Variants in DHRSX observed in about 807,000 individuals in gnomAD.
The protein encoded by DHRSX is polyprenol dehydrogenase.
In DHRSX, 31 loss-of-function variants were observed where a neutral mutation model predicts 34.0. That is an observed-to-expected ratio of 0.91 (90% CI 0.69 to 1.23). The LOEUF is 1.23. Ranked by LOEUF, DHRSX falls within the 50% of genes most tolerant of loss-of-function variation. The pLI, the probability that DHRSX is intolerant of heterozygous loss-of-function variation, is 0.00. For missense variants in DHRSX, 414 were observed against 428.1 expected (o/e 0.97, Z 0.29); for synonymous variants, 201 against 183.8 (o/e 1.09, Z -0.76).
intron 3 of DHRSX, among the ~76,000 whole-genome samples, chrX:2,306,463 C>CT (rs537318296): frequency 0.37 from 51,240 of 139,926 alleles, 10,260 homozygotes; most frequent in Middle Eastern, 0.52. Flanking sequence ...GATCAATTAT[C>CT]TTTTTTTTTT....
chrX:2,488,545 G>C, intron 1 of DHRSX: 1 of 1,466,890 alleles, frequency 6.8e-7, no homozygotes, highest in Non-Finnish European at 9.1e-7. Flanking sequence ...GGTCTCTGAG[G>C]TTCAAAACCA....
At chrX:2,355,860 G>A (rs1287712622) in intron 3 of DHRSX, among the ~76,000 whole-genome samples, 1 of 151,940 alleles carries the variant, frequency 6.6e-6, no homozygotes, top group Non-Finnish European at 1.5e-5. Context: ...AAAGTCGGGA[G>A]TTTGAGACCA....
chrX:2,464,077 C>A (rs1185413782), intron 1 of DHRSX, among the ~76,000 whole-genome samples: 1 of 151,880 alleles, frequency 6.6e-6, no homozygotes, highest in Non-Finnish European at 1.5e-5. Context: ...GGACCACCGC[C>A]ATGTACACAC....
intron 5 of DHRSX, among the ~76,000 whole-genome samples, chrX:2,266,207 ACGCAGGGAGCAC>A (rs2041466465): frequency 6.9e-6 from 1 of 145,022 alleles, no homozygotes; most frequent in African/African-American, 2.6e-5. Context: ...TGCTTGGCAG[ACGCAGGGAGCAC>A]TGTCCCCAGA....
At chrX:2,297,020 T>C (rs1172091670) in intron 3 of DHRSX, among the ~76,000 whole-genome samples, 1 of 140,742 alleles carries the variant, frequency 7.1e-6, no homozygotes, top group African/African-American at 2.7e-5. Context: ...CCCAGGCAGA[T>C]AGACCCAGGC....
intron 3 of DHRSX, among the ~76,000 whole-genome samples, chrX:2,327,269 C>G (rs1446811024): frequency 6.6e-6 from 1 of 152,208 alleles, no homozygotes; most frequent in African/African-American, 2.4e-5. Context: ...GCATTGGAAA[C>G]ACTCATGAGA....
chrX:2,421,224 C>T (rs1304624287), intron 2 of DHRSX, among the ~76,000 whole-genome samples: 2 of 152,018 alleles, frequency 1.3e-5, no homozygotes, highest in Non-Finnish European at 2.9e-5. Context: ...ACTAAAACTA[C>T]AAAAAATTAT....
chrX:2,320,373 C>T (rs1319085946), intron 3 of DHRSX, among the ~76,000 whole-genome samples: 3 of 147,386 alleles, frequency 2.0e-5, no homozygotes, highest in African/African-American at 7.5e-5. Context: ...CAGCTCACTG[C>T]AACCTCCACC....
intron 6 of DHRSX, among the ~76,000 whole-genome samples, chrX:2,236,902 G>A (rs991324685): frequency 6.6e-6 from 1 of 151,212 alleles, no homozygotes; most frequent in African/African-American, 2.4e-5. Context: ...AAAAAGAAAT[G>A]GGGGGGCTGG....
chrX:2,274,426 A>AT (rs965482590), intron 4 of DHRSX, among the ~76,000 whole-genome samples: 6 of 148,186 alleles, frequency 4.0e-5, no homozygotes, highest in African/African-American at 1.5e-4. Context: ...TTTTTATTTC[A>AT]TTTTTTTTGA....
At chrX:2,429,675 T>C (rs904234184) in intron 1 of DHRSX, among the ~76,000 whole-genome samples, 1 of 152,058 alleles carries the variant, frequency 6.6e-6, no homozygotes, top group Admixed American at 6.6e-5. Context: ...AGACCGGTCT[T>C]GATCTCCGGG....
intron 6 of DHRSX, among the ~76,000 whole-genome samples, chrX:2,221,645 A>G (rs67652053): frequency 0.56 from 85,729 of 152,142 alleles, 25,779 homozygotes; most frequent in African/African-American, 0.76. Context: ...CATCAAAAAG[A>G]TTCTTGTTTT....
At chrX:2,260,335 C>A (rs1461266159) in intron 5 of DHRSX, among the ~76,000 whole-genome samples, 1 of 151,996 alleles carries the variant, frequency 6.6e-6, no homozygotes, top group Non-Finnish European at 1.5e-5. Context: ...GTCCTTCCTG[C>A]CTCTCCCAGC....
chrX:2,465,075 C>A (rs749396293), intron 1 of DHRSX, among the ~76,000 whole-genome samples: 1 of 151,684 alleles, frequency 6.6e-6, no homozygotes, highest in Non-Finnish European at 1.5e-5. Flanking sequence ...GCCAAGGGAC[C>A]TCACTGAAGA....
chrX:2,355,323 G>A (rs1258862422), intron 3 of DHRSX, among the ~76,000 whole-genome samples: 1 of 152,026 alleles, frequency 6.6e-6, no homozygotes, highest in African/African-American at 2.4e-5. Context: ...ACTAGCCTGA[G>A]CAACATAGTG....
chrX:2,427,778 C>A (rs2043867832), intron 1 of DHRSX, among the ~76,000 whole-genome samples: 1 of 152,086 alleles, frequency 6.6e-6, no homozygotes, highest in Admixed American at 6.5e-5. Flanking sequence ...TTATTATAGG[C>A]ACATATGATC....
Position 2,224,897 on chromosome X carries a change from TCG to T in DHRSX, c.805-3670_805-3669del, listed in dbSNP as rs770849134. On this transcript the variant is annotated intron_variant, in intron 6 of 6. Coordinates refer to ENST00000334651, the MANE Select transcript of DHRSX (RefSeq NM_145177.3). ...AGCTCACACGCACACATGCTCACAC[TCG>T]CACACACACACGTACACACACATTC... 5.8e-5 allele frequency among the ~76,000 whole-genome samples: 7 copies of T among 121,030 alleles called. No individual in the cohort carries two copies. The South Asian group carries it at 1.9e-3, about 33-fold the overall frequency. The allele number at this position is 121,030 out of a possible 152,430, so 79.4% of individuals were successfully genotyped here.
At chrX:2,396,361 C>T (rs1346261584) in intron 3 of DHRSX, among the ~76,000 whole-genome samples, 1 of 136,182 alleles carries the variant, frequency 7.3e-6, no homozygotes, top group African/African-American at 2.6e-5. Context: ...GTGTTTGATG[C>T]TTTCTTTCTT....
At chrX:2,437,698 AGT>A (rs57675169) in intron 1 of DHRSX, among the ~76,000 whole-genome samples, 10 of 98,748 alleles carry the variant, frequency 1.0e-4, no homozygotes, top group South Asian at 3.1e-4. Flanking sequence ...AGAGAGAGAG[AGT>A]GTGTGTGTGT....
Sources: allele counts gnomAD v4.1 joint callset (sites outside exome capture counted in the v4.1 genomes callset), GRCh38; gene constraint gnomAD v4.1.1; transcripts MANE v1.5; gene names NCBI Gene and HGNC (gene_info 2026-07-23, HGNC 2026-07-21).